The following RIT2 variants were observed in gnomAD, a reference collection of about 807,000 sequenced individuals.
RIT2 encodes GTP-binding protein Rit2.
A neutral mutation model predicts 23.7 loss-of-function variants in RIT2; 24 were observed. The ratio of observed to expected loss-of-function variants is 1.01; its 90% CI spans 0.73 to 1.43. The LOEUF is 1.43. RIT2 is among the 40% of genes most tolerant of loss of function. The pLI is 0.00. For synonymous variants in RIT2, 107 were observed against 91.1 expected, an observed-to-expected ratio of 1.17 and a Z score of -0.99; for missense variants, 236 against 266.9, an observed-to-expected ratio of 0.88 and a Z score of 0.81.
Position 43,065,928 on chromosome 18 carries a change from G to C in RIT2, c.104-32061C>G, listed in dbSNP as rs564869938. Among the ~76,000 whole-genome samples the C allele has an allele frequency of 3.9e-5, 6 of 152,266 alleles. No individual in the cohort carries two copies. The East Asian group carries it at 1.2e-3, about 29-fold the overall frequency. ...AAAACACATGGTGAGGGTCTGTTTA[G>C]TGAGTAACATTTATGTTAAGGCTAT... On this transcript the variant is annotated intron_variant, in intron 1 of 4. Coordinates refer to ENST00000326695, the MANE Select transcript of RIT2 (RefSeq NM_002930.4).
At chr18:43,110,904 T>G (rs1913937167) in intron 1 of RIT2, among the ~76,000 whole-genome samples, 1 of 152,188 alleles carries the variant, frequency 6.6e-6, no homozygotes, top group African/African-American at 2.4e-5. Context: ...TACACATAGA[T>G]AGTAAAATAT....
At chr18:42,966,449 T>G (rs2144193497) in intron 3 of RIT2, among the ~76,000 whole-genome samples, 1 of 152,318 alleles carries the variant, frequency 6.6e-6, no homozygotes, top group Admixed American at 6.5e-5. Flanking sequence ...TATTTTCTAA[T>G]TTGGCAAATT....
At chr18:42,864,453 T>A (rs1418112212) in intron 4 of RIT2, among the ~76,000 whole-genome samples, 1 of 152,216 alleles carries the variant, frequency 6.6e-6, no homozygotes, top group Non-Finnish European at 1.5e-5. Context: ...CACTCTGGTG[T>A]ACTCTGATGG....
chr18:43,095,684 T>C (rs1434756126), intron 1 of RIT2, among the ~76,000 whole-genome samples: 1 of 152,008 alleles, frequency 6.6e-6, no homozygotes, highest in Non-Finnish European at 1.5e-5. Context: ...CTTTAATACC[T>C]ATCCACTTAC....
At chr18:43,049,995 T>C in intron 1 of RIT2, among the ~76,000 whole-genome samples, 1 of 122,000 alleles carries the variant, frequency 8.2e-6, no homozygotes, top group Admixed American at 8.4e-5. Context: ...TTTTTTTTTT[T>C]TTTTTTAATG....
intron 2 of RIT2, among the ~76,000 whole-genome samples, chr18:43,000,000 G>A (rs1024539371): frequency 1.3e-5 from 2 of 151,992 alleles, no homozygotes; most frequent in Admixed American, 6.6e-5. Flanking sequence ...CAGATTAATG[G>A]CATTTTAAAA....
At chr18:42,981,681 T>A (rs1161085724) in intron 2 of RIT2, among the ~76,000 whole-genome samples, 1 of 151,812 alleles carries the variant, frequency 6.6e-6, no homozygotes, top group African/African-American at 2.4e-5. Context: ...TTAAAAATAT[T>A]AAAAATATAT....
chr18:42,980,713 C>T (rs1451100542), intron 2 of RIT2, among the ~76,000 whole-genome samples: 1 of 152,098 alleles, frequency 6.6e-6, no homozygotes, highest in Non-Finnish European at 1.5e-5. Context: ...GAAGGGCAAG[C>T]TGGGGTGTGT....
chr18:43,031,553 AT>A (rs1911854846), intron 2 of RIT2, among the ~76,000 whole-genome samples: 1 of 152,000 alleles, frequency 6.6e-6, no homozygotes, highest in South Asian at 2.1e-4. Context: ...TGATGTTGAG[AT>A]TGTTGCCAAT....
chr18:42,984,244 T>G (rs1185290059), intron 2 of RIT2, among the ~76,000 whole-genome samples: 2 of 152,102 alleles, frequency 1.3e-5, no homozygotes, highest in African/African-American at 4.8e-5. Context: ...CAGTGGAGTA[T>G]AATTGATACA....
intron 4 of RIT2, among the ~76,000 whole-genome samples, chr18:42,798,778 C>T (rs1393216594): frequency 7.2e-5 from 11 of 152,196 alleles, no homozygotes. Flanking sequence ...CAGACAATTG[C>T]TTCAGAAAAG....
intron 4 of RIT2, among the ~76,000 whole-genome samples, chr18:42,769,318 C>A (rs2078195380): frequency 1.3e-5 from 2 of 152,060 alleles, no homozygotes; most frequent in Admixed American, 1.3e-4. Context: ...TCTGTAAAGA[C>A]TGAATGGGTC....
At chr18:43,105,000 A>T (rs1913774710) in intron 1 of RIT2, among the ~76,000 whole-genome samples, 1 of 152,142 alleles carries the variant, frequency 6.6e-6, no homozygotes, top group Admixed American at 6.5e-5. Context: ...ATTCAAGCAG[A>T]GGCATGCTCT....
chr18:43,075,581 AAC>A (rs1396116454), intron 1 of RIT2, among the ~76,000 whole-genome samples: 2 of 152,220 alleles, frequency 1.3e-5, no homozygotes, highest in African/African-American at 4.8e-5. Flanking sequence ...TCTGTCTTAA[AAC>A]ACAAAATTTA....
At chr18:42,974,685 A>G (rs541920454) in intron 2 of RIT2, among the ~76,000 whole-genome samples, 1 of 152,240 alleles carries the variant, frequency 6.6e-6, no homozygotes, top group African/African-American at 2.4e-5. Context: ...GATTACATAC[A>G]TGCAAACCCT....
In RIT2 at chr18:43,114,321, T is replaced by G. The variant is rs1365062581; in HGVS notation, c.103+1096A>C. On this transcript the variant is annotated intron_variant, in intron 1 of 4. Transcript: ENST00000326695. ...ATGTTTCTTACTATCTTTAACTTTG[T>G]TGTCCACTAAAGTCACAATCTCCTT... 2.0e-5 allele frequency among the ~76,000 whole-genome samples: 3 copies of G among 152,238 alleles called. No individual in the cohort carries two copies. In the East Asian group the frequency reaches 5.8e-4, roughly 29 times the overall value.
intron 1 of RIT2, among the ~76,000 whole-genome samples, chr18:43,073,759 A>G (rs917711274): frequency 7.2e-5 from 11 of 152,196 alleles, no homozygotes; most frequent in African/African-American, 2.4e-4. Context: ...TTGACTGGAC[A>G]TACCTGGTTT....
At chr18:42,959,176 G>A (rs1910042806) in intron 3 of RIT2, among the ~76,000 whole-genome samples, 1 of 152,102 alleles carries the variant, frequency 6.6e-6, no homozygotes, top group Admixed American at 6.6e-5. Context: ...AACATTGTAG[G>A]CTTTTAATAA....
chr18:42,995,149 A>T (rs2144233648), intron 2 of RIT2, among the ~76,000 whole-genome samples: 1 of 152,292 alleles, frequency 6.6e-6, no homozygotes, highest in South Asian at 2.1e-4. Flanking sequence ...GCTATGCTAC[A>T]GTACAAGCCA....
Sources: allele counts gnomAD v4.1 joint callset (sites outside exome capture counted in the v4.1 genomes callset), GRCh38; gene constraint gnomAD v4.1.1; transcripts MANE v1.5; gene names NCBI Gene and HGNC (gene_info 2026-07-23, HGNC 2026-07-21).